Variants in FUT8 observed in about 807,000 individuals in gnomAD.
The protein encoded by FUT8 is fucosyltransferase 8.
In FUT8, 29 loss-of-function variants were observed where a neutral mutation model predicts 71.3. The ratio of observed to expected loss-of-function variants is 0.41; its 90% confidence interval spans 0.30 to 0.55. The LOEUF is 0.55. FUT8 is among the 20% of genes least tolerant of loss of function. The pLI is 0.34. For missense variants in FUT8, 544 were observed against 702.1 expected, an observed-to-expected ratio of 0.77 and a Z score of 2.55; for synonymous variants, 254 against 239.3, an observed-to-expected ratio of 1.06 and a Z score of -0.57.
chr14:65,568,842 C>G (rs1886332715), intron 3 of FUT8, among the ~76,000 whole-genome samples: 3 of 151,552 alleles, frequency 2.0e-5, no homozygotes, highest in South Asian at 4.2e-4. Flanking sequence ...TTTTTTCTTT[C>G]TAGTGTTCTT....
intron 7 of FUT8, among the ~76,000 whole-genome samples, chr14:65,692,969 C>T (rs1893765814): frequency 1.3e-5 from 2 of 151,824 alleles, no homozygotes; most frequent in Non-Finnish European, 2.9e-5. Flanking sequence ...AAGAGGCGCT[C>T]CTCGCTTCCT....
At chr14:65,422,002 A>G (rs951667302) in intron 1 of FUT8, among the ~76,000 whole-genome samples, 1 of 152,022 alleles carries the variant, frequency 6.6e-6, no homozygotes, top group Admixed American at 6.6e-5. Context: ...TCTGTAGTGT[A>G]CTGTGTCCAG....
intron 2 of FUT8, among the ~76,000 whole-genome samples, chr14:65,507,547 C>T (rs1024918385): frequency 4.6e-5 from 7 of 152,350 alleles, no homozygotes; most frequent in South Asian, 2.1e-4. Flanking sequence ...TAAGTGAGAA[C>T]ATGAGATGCT....
At chr14:65,687,857 C>CT (rs11378442) in intron 7 of FUT8, among the ~76,000 whole-genome samples, 126,051 of 151,940 alleles carry the variant, frequency 0.83, 52,541 homozygotes, top group East Asian at 1. Flanking sequence ...CCTCAACCAC[C>CT]GAGTAGCTGG....
Position 65,721,774 on chromosome 14 carries a change from GGTGAA to G in FUT8, c.842_846del (p.Val281GlyfsTer40). 6.2e-7 allele frequency: 1 copy of G among 1,613,938 alleles called. No homozygotes were observed. Among genetic ancestry groups the G allele is most frequent in the Non-Finnish European group, 8.5e-7 (1 of 1,179,798 alleles). ...ATGATTATATGTTTCAATATTGTCA[GGTGAA>G]GTGAAGGACAAAAATGTTCAAGTGG... On this transcript the variant is annotated frameshift_variant and splice_region_variant, in exon 8 of 11. Coordinates refer to ENST00000673929, the MANE Select transcript of FUT8 (RefSeq NM_001371533.1). LOFTEE classifies it high-confidence loss of function.
chr14:65,421,197 A>G (rs1183144204), intron 1 of FUT8, among the ~76,000 whole-genome samples: 16 of 133,380 alleles, frequency 1.2e-4, no homozygotes, highest in Non-Finnish European at 2.2e-4. Flanking sequence ...ATCTCAGGAA[A>G]AAAAAAAAAA....
At chr14:65,673,400 G>C (rs1394017388) in intron 7 of FUT8, among the ~76,000 whole-genome samples, 1 of 152,238 alleles carries the variant, frequency 6.6e-6, no homozygotes, top group East Asian at 1.9e-4. Flanking sequence ...AGTCAAGGGG[G>C]AAAGATAGAC....
chr14:65,453,384 A>T (rs968708202), intron 1 of FUT8, among the ~76,000 whole-genome samples: 2 of 152,252 alleles, frequency 1.3e-5, no homozygotes, highest in East Asian at 1.9e-4. Flanking sequence ...TATTGCTTTT[A>T]ATCTTTGTTA....
intron 3 of FUT8, among the ~76,000 whole-genome samples, chr14:65,608,012 C>T (rs560387775): frequency 8.1e-5 from 12 of 148,208 alleles, no homozygotes; most frequent in African/African-American, 2.8e-4. Flanking sequence ...TTGCAGTGAG[C>T]CGAGATTGTG....
chr14:65,490,489 G>A (rs2066466611), intron 2 of FUT8, among the ~76,000 whole-genome samples: 1 of 152,034 alleles, frequency 6.6e-6, no homozygotes, highest in Non-Finnish European at 1.5e-5. Flanking sequence ...CTAAATTTGA[G>A]CTAATGTTGA....
At chr14:65,543,414 G>T (rs928258318) in intron 2 of FUT8, among the ~76,000 whole-genome samples, 3 of 152,070 alleles carry the variant, frequency 2.0e-5, no homozygotes, top group African/African-American at 7.2e-5. Context: ...TAAAGAGCTT[G>T]CTCTGTTTTA....
At chr14:65,444,819 A>G (rs76327602) in intron 1 of FUT8, among the ~76,000 whole-genome samples, 2,655 of 152,236 alleles carry the variant, frequency 0.017, 78 homozygotes, top group African/African-American at 0.061. Context: ...AAACTTAATC[A>G]CCAATGCAAC....
intron 1 of FUT8, among the ~76,000 whole-genome samples, chr14:65,425,882 C>CA (rs769945920): frequency 6.6e-6 from 1 of 151,490 alleles, no homozygotes; most frequent in Non-Finnish European, 1.5e-5. Flanking sequence ...GAGTCTGAGG[C>CA]AGGAGAATTG....
At chr14:65,373,786 G>A in the FUT8 span, among the ~76,000 whole-genome samples, 1 of 152,194 alleles carries the variant, frequency 6.6e-6, no homozygotes, top group Non-Finnish European at 1.5e-5. Flanking sequence ...AAGCCTAGCT[G>A]CTAATGCGCC....
At chr14:65,617,185 C>A (rs763607195) in intron 5 of FUT8, 19 of 1,551,854 alleles carry the variant, frequency 1.2e-5, no homozygotes, top group Non-Finnish European at 1.4e-5. Context: ...AGAATTACCC[C>A]ATACAAGTAA....
At chr14:65,474,477 A>C in intron 2 of FUT8, among the ~76,000 whole-genome samples, 2 of 146,238 alleles carry the variant, frequency 1.4e-5, no homozygotes, top group Non-Finnish European at 3.0e-5. Flanking sequence ...GCTGGCTCCC[A>C]CCTGTAATCC....
chr14:65,560,262 C>G (rs1205670559), intron 2 of FUT8, among the ~76,000 whole-genome samples: 9 of 152,002 alleles, frequency 5.9e-5, no homozygotes, highest in Non-Finnish European at 1.0e-4. Flanking sequence ...TGTTTTTTCT[C>G]TCTTCTCTTG....
intron 9 of FUT8, among the ~76,000 whole-genome samples, 179 bp from the exon 10 acceptor site, chr14:65,733,052 A>T (rs1456823634): frequency 1.3e-5 from 2 of 152,206 alleles, no homozygotes; most frequent in African/African-American, 4.8e-5. Context: ...TATACAGGGC[A>T]TTCCAGAATG....
At chr14:65,686,910 G>C (rs1429328301) in intron 7 of FUT8, among the ~76,000 whole-genome samples, 1 of 152,088 alleles carries the variant, frequency 6.6e-6, no homozygotes, top group Non-Finnish European at 1.5e-5. Context: ...TTTCTTCCCA[G>C]GTTGAGAAGT....
Sources: gnomAD v4.1 joint callset for allele counts (sites outside exome capture counted in the v4.1 genomes callset) on GRCh38, gnomAD v4.1.1 for gene constraint, MANE v1.5 for transcripts, NCBI Gene and HGNC (gene_info 2026-07-23, HGNC 2026-07-21) for gene names.